PSMA1: variants seen among roughly 807,000 people sequenced by gnomAD.
PSMA1 encodes proteasome subunit alpha type-1.
A neutral mutation model predicts 38.4 loss-of-function variants in PSMA1; 3 were observed. That is an observed-to-expected ratio of 0.08 (90% CI 0.04 to 0.20). The LOEUF is 0.20. Among genes scored for constraint, PSMA1 ranks in the 10% least tolerant of loss-of-function variants. The pLI is 1.00. For missense variants in PSMA1, 227 were observed against 325.3 expected (o/e 0.70, Z 2.32); for synonymous variants, 101 against 107.1 (o/e 0.94, Z 0.35).
At chr11:14,505,525 A>ATTTCTT (rs564859344) in intron 9 of PSMA1, among the ~76,000 whole-genome samples, 11 of 149,924 alleles carry the variant, frequency 7.3e-5, no homozygotes, top group East Asian at 1.9e-4. Flanking sequence ...TTATATGCAG[A>ATTTCTT]TTTCTTTTTC....
intron 1 of PSMA1, among the ~76,000 whole-genome samples, chr11:14,629,163 T>G (rs1315783633): frequency 6.6e-6 from 1 of 152,184 alleles, no homozygotes; most frequent in Non-Finnish European, 1.5e-5. Context: ...CAGAAGCTCT[T>G]GAGTTTAATT....
At chr11:14,562,814 C>T (rs181448645) in intron 2 of PSMA1, among the ~76,000 whole-genome samples, 78 of 152,100 alleles carry the variant, frequency 5.1e-4, no homozygotes, top group African/African-American at 1.7e-3. Context: ...CAAGTATCTG[C>T]CCACATACTG....
chr11:14,507,446 A>T (rs1851262930), intron 9 of PSMA1: 1 of 457,038 alleles, frequency 2.2e-6, no homozygotes, highest in Admixed American at 4.0e-5. Flanking sequence ...GATTACAGGC[A>T]TGAGCCACCG....
intron 2 of PSMA1, among the ~76,000 whole-genome samples, chr11:14,556,884 AGGG>A (rs1851945626): frequency 6.6e-6 from 1 of 152,182 alleles, no homozygotes. Flanking sequence ...TGCCCAGGCT[AGGG>A]TACAGTGGAG....
intron 2 of PSMA1, among the ~76,000 whole-genome samples, chr11:14,555,448 T>C (rs536323151): frequency 9.5e-4 from 144 of 152,290 alleles, no homozygotes; most frequent in African/African-American, 3.2e-3. Flanking sequence ...TCTTCAGGCA[T>C]CATATCTAGA....
At chr11:14,524,943 G>A (rs550414813), upstream of PSMA1, among the ~76,000 whole-genome samples, 6 of 152,152 alleles carry the variant, frequency 3.9e-5, no homozygotes, top group East Asian at 5.8e-4. Flanking sequence ...TCGGCTTAGC[G>A]GCTGAAGACT....
chr11:14,515,028 C>G (rs1851402572), intron 4 of PSMA1, among the ~76,000 whole-genome samples: 1 of 152,188 alleles, frequency 6.6e-6, no homozygotes, highest in Non-Finnish European at 1.5e-5. Context: ...ACTGTTAAAT[C>G]TGATGAAATT....
intron 2 of PSMA1, among the ~76,000 whole-genome samples, chr11:14,608,187 CA>C (rs1263027604): frequency 6.6e-6 from 1 of 152,000 alleles, no homozygotes; most frequent in Non-Finnish European, 1.5e-5. Flanking sequence ...TTCATCTCTA[CA>C]AAAAATTTAA....
rs568748994 is a variant in PSMA1 at position 14,606,438 on chromosome 11, A to G, written c.21+4528T>C. ...TCTGAATGAAAAAGAAAAAAAGAAA[A>G]AAAAAAAAAGAATCTGTTTTGAAAT... On this transcript the variant is annotated intron_variant, in intron 2 of 10. Transcript: ENST00000418988. Among the ~76,000 whole-genome samples, 7 of 152,294 alleles carry G rather than the reference A, an allele frequency of 4.6e-5. No individual in the cohort carries two copies. In the South Asian group the frequency reaches 1.2e-3, roughly 27 times the overall value.
At chr11:14,571,971 A>T (rs1359354155) in intron 2 of PSMA1, among the ~76,000 whole-genome samples, 1 of 152,240 alleles carries the variant, frequency 6.6e-6, no homozygotes, top group African/African-American at 2.4e-5. Context: ...TAACTATCCT[A>T]AATATATATG....
intron 8 of PSMA1, 134 bp from the exon 9 acceptor site, chr11:14,507,900 G>C (rs1851272863): frequency 3.3e-6 from 2 of 613,546 alleles, no homozygotes; most frequent in Non-Finnish European, 5.6e-6. Context: ...CCACTTATGT[G>C]TAGGAGAAAA....
intron 2 of PSMA1, among the ~76,000 whole-genome samples, chr11:14,588,631 C>T (rs1260107252): frequency 6.6e-6 from 1 of 152,136 alleles, no homozygotes; most frequent in Non-Finnish European, 1.5e-5. Flanking sequence ...TTAAAATTGG[C>T]TTTGAAACAG....
Position 14,508,265 on chromosome 11 carries a change from C to T in PSMA1, c.625-499G>A, listed in dbSNP as rs552265415. On this transcript the variant is annotated intron_variant, in intron 8 of 9. Transcript: ENST00000396394. ...TGAAAACCTTGTTCCTATATTACTG[C>T]GAAAACAGAAGCAATTAGAAGAGAA... 1.1e-4 allele frequency among the ~76,000 whole-genome samples: 17 copies of T among 152,124 alleles called. No individual in the cohort carries two copies. In the Middle Eastern group the frequency reaches 0.017, roughly 154 times the overall value.
At chr11:14,548,699 C>G (rs772221500) in intron 2 of PSMA1, among the ~76,000 whole-genome samples, 1 of 152,166 alleles carries the variant, frequency 6.6e-6, no homozygotes, top group Non-Finnish European at 1.5e-5. Flanking sequence ...ATCACACAGA[C>G]ACATACATCA....
intron 2 of PSMA1, among the ~76,000 whole-genome samples, chr11:14,550,026 C>A (rs1337909028): frequency 6.6e-6 from 1 of 152,190 alleles, no homozygotes; most frequent in East Asian, 1.9e-4. Context: ...AAACAATCAT[C>A]TGAACAAATT....
chr11:14,571,580 T>C (rs7941485), intron 2 of PSMA1, among the ~76,000 whole-genome samples: 93,445 of 152,032 alleles, frequency 0.61, 29,308 homozygotes, highest in African/African-American at 0.73. Context: ...TGAAGACCAT[T>C]GATGCTAGGA....
intron 1 of PSMA1, among the ~76,000 whole-genome samples, chr11:14,630,064 G>C (rs969744035): frequency 6.6e-6 from 1 of 151,942 alleles, no homozygotes; most frequent in Non-Finnish European, 1.5e-5. Context: ...GAGATTTTGG[G>C]CTGAGACAAT....
chr11:14,513,383 T>C, intron 7 of PSMA1, 187 bp downstream of exon 7: 2 of 575,760 alleles, frequency 3.5e-6, no homozygotes, highest in Admixed American at 4.1e-5. Context: ...TTGAAACTAC[T>C]GTGGTAACCA....
chr11:14,626,792 G>C (rs1265224650), intron 1 of PSMA1, among the ~76,000 whole-genome samples: 1 of 152,170 alleles, frequency 6.6e-6, no homozygotes, highest in Admixed American at 6.5e-5. Flanking sequence ...TCTTTTTTAG[G>C]ACAGCTCCTG....
Sources: gnomAD v4.1 joint callset for allele counts (sites outside exome capture counted in the v4.1 genomes callset) on GRCh38, gnomAD v4.1.1 for gene constraint, MANE v1.5 for transcripts, NCBI Gene and HGNC (gene_info 2026-07-23, HGNC 2026-07-21) for gene names.